Variants in SYNE1 observed in about 807,000 individuals in gnomAD.
SYNE1 encodes spectrin repeat containing nuclear envelope protein 1, also known as nesprin-1.
SYNE1 carries 616 observed loss-of-function variants against 1,111.0 expected under a neutral mutation model. The observed-to-expected ratio is 0.55, with a 90% CI of 0.52 to 0.59. The LOEUF (loss-of-function observed/expected upper bound fraction) is 0.59. Ranked by LOEUF, SYNE1 falls within the 20% of genes least tolerant of loss-of-function variation. The pLI is 0.00. For synonymous variants in SYNE1, 3,855 were observed against 3,825.8 expected, an observed-to-expected ratio of 1.01 and a Z score of -0.28; for missense variants, 10,006 against 10,417.0, an observed-to-expected ratio of 0.96 and a Z score of 1.72.
chr6:152,129,391 T>C (rs2054684039), intron 145 of SYNE1: 1 of 152,208 alleles, frequency 6.6e-6, no homozygotes, highest in African/African-American at 2.4e-5. Flanking sequence ...ATCAGCAATT[T>C]GTGGGGAAAA....
intron 3 of SYNE1, among the ~76,000 whole-genome samples, chr6:152,582,781 T>G (rs2099524904): frequency 1.3e-5 from 2 of 152,058 alleles, no homozygotes; most frequent in Non-Finnish European, 2.9e-5. Context: ...ACTTCCATCT[T>G]TTTTTAAAAT....
intron 13 of SYNE1, among the ~76,000 whole-genome samples, chr6:152,483,923 T>G (rs1231180060): frequency 6.7e-6 from 1 of 149,494 alleles, no homozygotes; most frequent in East Asian, 2.0e-4. Context: ...AAAATTAGGC[T>G]GGGTGCAGTG....
intron 128 of SYNE1, 51 bp from the exon 129 acceptor site, chr6:152,180,345 C>A: frequency 6.4e-7 from 1 of 1,566,914 alleles, no homozygotes; most frequent in Middle Eastern, 1.7e-4. Flanking sequence ...AGAGAGAAGA[C>A]CACACTCCAA....
intron 8 of SYNE1, among the ~76,000 whole-genome samples, chr6:152,507,616 T>A (rs922870101): frequency 2.6e-5 from 4 of 152,194 alleles, no homozygotes; most frequent in Non-Finnish European, 4.4e-5. Context: ...AAAGAAGTGA[T>A]GAACAGTGCC....
intron 2 of SYNE1, among the ~76,000 whole-genome samples, chr6:152,634,497 T>C (rs2099703012): frequency 6.6e-6 from 1 of 152,228 alleles, no homozygotes; most frequent in South Asian, 2.1e-4. Flanking sequence ...TTAATAATGG[T>C]ACTAATTAAT....
In SYNE1 at chr6:152,199,956, T is replaced by C. The variant is rs147851712; in HGVS notation, c.23145+1868A>G. On this transcript the variant is annotated intron_variant, in intron 127 of 145. Transcript: ENST00000367255. ...ACGCCCCATGGCAACAGTATTTGGC[T>C]GAAAGACCAAACCATCTAGGTTAAT... 1.6e-3 allele frequency among the ~76,000 whole-genome samples: 245 copies of C among 152,380 alleles called. 2 individuals are homozygous for C. The highest frequency in any genetic ancestry group is 5.4e-3 in the African/African-American group (223 of 41,592).
intron 100 of SYNE1, among the ~76,000 whole-genome samples, chr6:152,264,203 T>A (rs184682314): frequency 5.8e-5 from 3 of 52,090 alleles, no homozygotes; most frequent in African/African-American, 1.1e-4. Context: ...CAAGACTCCA[T>A]CTCAAAAAAA....
intron 101 of SYNE1, among the ~76,000 whole-genome samples, chr6:152,260,304 A>T (rs1337884357): frequency 6.6e-6 from 1 of 152,214 alleles, no homozygotes; most frequent in African/African-American, 2.4e-5. Flanking sequence ...GAAGATCCGT[A>T]TCAGGAACAA....
intron 129 of SYNE1, chr6:152,179,474 C>CAAA (rs768352297): frequency 1.6e-5 from 2 of 127,692 alleles, no homozygotes; most frequent in Admixed American, 7.8e-5. Flanking sequence ...CTTTTTAAAA[C>CAAA]AAAAAAAAAT....
Position 152,430,659 on chromosome 6 carries a change from T to G in SYNE1, c.4512A>C (p.Glu1504Asp). ...ACTGAGCAAAAGACTGGGCTTCTTC[T>G]TCTAATCCTACAATGCTGCTGAGCT... ...ESKLSSIVGLEEEAQSFAQFV... is the reference protein window; with the variant it reads ...ESKLSSIVGLDEEAQSFAQFV... Residue 1504 changes from glutamate (E) to aspartate (D), a missense_variant, in exon 35 of 146, where the codon GAA becomes GAC. Glu to Asp is a conservative substitution (Grantham distance 45). Around this residue, in one of 7 missense-constraint regions of SYNE1, gnomAD observed 1,971 missense variants for 2,084.1 expected, o/e 0.95. Transcript: ENST00000367255. 6.2e-7 allele frequency: 1 copy of G among 1,614,158 alleles called. No homozygotes were observed. Among genetic ancestry groups the G allele is most frequent in the Non-Finnish European group, 8.5e-7 (1 of 1,179,992 alleles).
At position 152,350,622 on chromosome 6, in the gene SYNE1, C is replaced by G; in HGVS notation, c.11729G>C (p.Gly3910Ala). The change falls in exon 71 of 146, where the codon GGA becomes GCA. Residue 3910 changes from glycine (G) to alanine (A), a missense_variant. Transcript: ENST00000367255. ...GAGTCTTTCATCTCTCCTTACCTTT[C>G]CTATGCTGCACAGGTCCTGGTAATC... ...QSDYQDLCSI[G>A]KEHVFSLEAK... 1 of 1,614,126 alleles carries G rather than the reference C, an allele frequency of 6.2e-7. No homozygotes were observed. Among genetic ancestry groups the G allele is most frequent in the Non-Finnish European group, 8.5e-7 (1 of 1,180,030 alleles).
At chr6:152,571,268 C>T (rs2099454902) in intron 3 of SYNE1, among the ~76,000 whole-genome samples, 1 of 152,184 alleles carries the variant, frequency 6.6e-6, no homozygotes, top group African/African-American at 2.4e-5. Flanking sequence ...GTACTGATTA[C>T]TAGGCTTGCT....
At chr6:152,185,661 A>G (rs2153221653) in intron 128 of SYNE1, among the ~76,000 whole-genome samples, 1 of 152,342 alleles carries the variant, frequency 6.6e-6, no homozygotes, top group South Asian at 2.1e-4. Flanking sequence ...TAAAAACACT[A>G]TGTATTCCGT....
chr6:152,524,590 A>G lies in SYNE1; in HGVS notation c.225+1490T>C, dbSNP rs367928617. On this transcript the variant is annotated intron_variant, in intron 5 of 145. Coordinates refer to ENST00000367255, the MANE Select transcript of SYNE1 (RefSeq NM_182961.4). ...ATGCATATGCCTATATACATTCCAA[A>G]TTGCCTGTTCATATATGTCTAGCTT... Among the ~76,000 whole-genome samples, 84 of 152,124 alleles carry G rather than the reference A, an allele frequency of 5.5e-4. 1 individual carries two copies. The South Asian group carries it at 0.014, about 26-fold the overall frequency.
intron 124 of SYNE1, among the ~76,000 whole-genome samples, chr6:152,208,493 G>A (rs903270677): frequency 6.6e-6 from 1 of 152,278 alleles, no homozygotes. Context: ...CTGAGAGCAT[G>A]AGAGGGGAGG....
chr6:152,223,753 A>G (rs2080809962), intron 117 of SYNE1, among the ~76,000 whole-genome samples: 1 of 152,160 alleles, frequency 6.6e-6, no homozygotes, highest in Non-Finnish European at 1.5e-5. Flanking sequence ...ACTAGATATT[A>G]GCAGGGCACA....
chr6:152,156,042 A>T lies in SYNE1; in HGVS notation c.23846T>A (p.Leu7949Gln), dbSNP rs773207079. The change falls in exon 132 of 146, where the codon CTG (leucine) becomes CAG (glutamine). Residue 7949 changes from leucine (L) to glutamine (Q), a missense_variant. Leu to Gln is a moderately radical substitution (Grantham distance 113). Coordinates refer to ENST00000367255, the MANE Select transcript of SYNE1 (RefSeq NM_182961.4). Reference sequence around the variant, plus strand: ...ACAGTCGTGCAGCAGGACTTCACACAGGTTGAGGACAGATGCAACACCTGT... The same window carrying T: ...ACAGTCGTGCAGCAGGACTTCACACTGGTTGAGGACAGATGCAACACCTGT... ...HSTGVASVLN[L>Q]CEVLLHDCDA... The T allele has an allele frequency of 1.2e-6, 2 of 1,614,174 alleles. No homozygotes were observed. The highest frequency in any genetic ancestry group is 1.7e-6 in the Non-Finnish European group (2 of 1,180,026).
chr6:152,309,471 A>G (rs1464032840), intron 90 of SYNE1, among the ~76,000 whole-genome samples: 3 of 152,248 alleles, frequency 2.0e-5, no homozygotes, highest in Non-Finnish European at 4.4e-5. Context: ...AAGCTGAAAT[A>G]TGAAAAAAAC....
Position 152,354,688 on chromosome 6 carries a change from T to C in SYNE1, c.10897A>G (p.Thr3633Ala), listed in dbSNP as rs963872461. 1.9e-5 allele frequency: 30 copies of C among 1,614,250 alleles called. No homozygotes were observed. Among genetic ancestry groups the C allele is most frequent in the Non-Finnish European group, 2.5e-5 (30 of 1,180,044 alleles). The change falls in exon 67 of 146, where the codon ACC becomes GCC. Residue 3633 changes from threonine (T) to alanine (A), a missense_variant. Thr to Ala is a moderately conservative substitution (Grantham distance 58). Coordinates refer to ENST00000367255, the MANE Select transcript of SYNE1 (RefSeq NM_182961.4). ...PRTRRQSNRA[T>A]KEIQLHQMKK... Reference sequence around the variant, plus strand: ...ATCTGATGTAATTGTATCTCCTTGGTTGCCCTGTTAGACTGACGTCTGGTC... The same window carrying C: ...ATCTGATGTAATTGTATCTCCTTGGCTGCCCTGTTAGACTGACGTCTGGTC...
Sources: gnomAD v4.1 joint callset for allele counts (sites outside exome capture counted in the v4.1 genomes callset) on GRCh38, gnomAD v4.1.1 for gene constraint, gnomAD v4.1.1 regional missense constraint, MANE v1.5 for transcripts, NCBI Gene and HGNC (gene_info 2026-07-23, HGNC 2026-07-21) for gene names.